The following ARSB variants were observed in gnomAD, a reference collection of about 807,000 sequenced individuals.
ARSB encodes N-acetylgalactosamine-4-sulfatase.
In ARSB, 41 loss-of-function variants were observed where a neutral mutation model predicts 50.9. That is an observed-to-expected ratio of 0.81 (90% confidence interval 0.63 to 1.04). The LOEUF (loss-of-function observed/expected upper bound fraction) is 1.04, where lower values mean the gene tolerates loss of function less well. ARSB is among the 50% of genes least tolerant of loss of function. The probability of loss-of-function intolerance (pLI) is 0.00; values close to 1 mark genes in which losing one functional copy is unlikely to be tolerated. For missense variants in ARSB, 672 were observed against 693.3 expected (o/e 0.97, Z 0.35); for synonymous variants, 269 against 284.8 (o/e 0.94, Z 0.56).
chr5:78,933,397 G>A (rs1402400930), intron 4 of ARSB, among the ~76,000 whole-genome samples: 1 of 152,188 alleles, frequency 6.6e-6, no homozygotes, highest in Non-Finnish European at 1.5e-5. Flanking sequence ...GAGGTGTGAT[G>A]CTGTTAAAAG....
intron 4 of ARSB, among the ~76,000 whole-genome samples, chr5:78,887,651 T>G (rs761111325): frequency 6.6e-6 from 1 of 152,190 alleles, no homozygotes; most frequent in Non-Finnish European, 1.5e-5. Context: ...ACAACCCAAA[T>G]AGTTTAGTAT....
intron 6 of ARSB, among the ~76,000 whole-genome samples, chr5:78,819,757 GCCA>G (rs1295863302): frequency 6.6e-6 from 1 of 152,232 alleles, no homozygotes; most frequent in African/African-American, 2.4e-5. Context: ...ACTGAAGGGG[GCCA>G]CAGAGGTAGA....
At chr5:78,887,951 C>T (rs978735960) in intron 4 of ARSB, among the ~76,000 whole-genome samples, 1 of 152,166 alleles carries the variant, frequency 6.6e-6, no homozygotes, top group African/African-American at 2.4e-5. Context: ...TTAGAGAAGG[C>T]TTAGCTGCTG....
At chr5:78,838,025 C>T (rs1745025739) in intron 6 of ARSB, among the ~76,000 whole-genome samples, 1 of 152,166 alleles carries the variant, frequency 6.6e-6, no homozygotes, top group Non-Finnish European at 1.5e-5. Flanking sequence ...CAATTGTCCA[C>T]TGAGTCATCA....
At chr5:78,799,597 G>A (rs965957697) in intron 6 of ARSB, among the ~76,000 whole-genome samples, 1 of 152,152 alleles carries the variant, frequency 6.6e-6, no homozygotes, top group African/African-American at 2.4e-5. Flanking sequence ...ACCCGCATAC[G>A]GAAAACCAAT....
At chr5:78,815,934 C>A in intron 6 of ARSB, 1 of 1,529,636 alleles carries the variant, frequency 6.5e-7, no homozygotes, top group Admixed American at 1.9e-5. Flanking sequence ...TTGGAGAAGG[C>A]ACTTTTCCTA....
chr5:78,966,782 T>A (rs1483256539), intron 2 of ARSB, among the ~76,000 whole-genome samples: 1 of 152,218 alleles, frequency 6.6e-6, no homozygotes, highest in Non-Finnish European at 1.5e-5. Flanking sequence ...TATTGACTCA[T>A]CTTTTAGCAA....
chr5:78,816,634 G>C (rs1044610887), intron 6 of ARSB, among the ~76,000 whole-genome samples: 33 of 152,200 alleles, frequency 2.2e-4, no homozygotes, highest in Non-Finnish European at 1.0e-4. Flanking sequence ...CCTTTTAAAA[G>C]TAGGGAATTT....
At chr5:78,799,944 A>T (rs1743320922) in intron 6 of ARSB, among the ~76,000 whole-genome samples, 1 of 152,230 alleles carries the variant, frequency 6.6e-6, no homozygotes, top group African/African-American at 2.4e-5. Flanking sequence ...GGAAAGAAGG[A>T]TTGTGAATGA....
intron 5 of ARSB, among the ~76,000 whole-genome samples, chr5:78,852,105 G>T (rs1386569507): frequency 1.3e-5 from 2 of 152,150 alleles, no homozygotes; most frequent in African/African-American, 2.4e-5. Flanking sequence ...TTGTCATTAT[G>T]ATATTAGCTG....
Position 78,955,356 on chromosome 5 carries a change from A to T in ARSB, c.837T>A (p.Asn279Lys). The T allele has an allele frequency of 6.2e-7, 1 of 1,614,186 alleles. No homozygotes were observed. The highest frequency in any genetic ancestry group is 8.5e-7 in the Non-Finnish European group (1 of 1,180,034). The change falls in exon 4 of 8, where the codon AAT becomes AAA. Residue 279 changes from asparagine (N) to lysine (K), a missense_variant. Coordinates refer to ENST00000264914, the MANE Select transcript of ARSB (RefSeq NM_000046.5). ...CACTGCTTTTTAAAGCTGCAGTGAC[A>T]TTTCCTACTGCTTCATCCATAAGGG... ...MVSLMDEAVG[N>K]VTAALKSSGL...
At chr5:78,849,520 T>C (rs892628331) in intron 5 of ARSB, among the ~76,000 whole-genome samples, 2 of 152,094 alleles carry the variant, frequency 1.3e-5, no homozygotes, top group Admixed American at 6.5e-5. Context: ...GCTTTGTTCT[T>C]TTGGCTTAGG....
chr5:78,963,497 G>T (rs1324240278), intron 3 of ARSB, among the ~76,000 whole-genome samples: 2 of 152,128 alleles, frequency 1.3e-5, no homozygotes, highest in Non-Finnish European at 2.9e-5. Context: ...GGGTCCCACT[G>T]AAGTATTATT....
intron 6 of ARSB, among the ~76,000 whole-genome samples, chr5:78,819,569 A>G (rs2112672210): frequency 6.6e-6 from 1 of 152,314 alleles, no homozygotes; most frequent in East Asian, 1.9e-4. Flanking sequence ...TTATTCAATC[A>G]CTCAGCACAC....
chr5:78,874,369 C>G (rs1465537693), intron 5 of ARSB, among the ~76,000 whole-genome samples: 1 of 152,114 alleles, frequency 6.6e-6, no homozygotes, highest in African/African-American at 2.4e-5. Flanking sequence ...GTAGGAATAA[C>G]ACTACTTAAA....
At chr5:78,922,858 G>A (rs567165412) in intron 4 of ARSB, among the ~76,000 whole-genome samples, 24 of 151,914 alleles carry the variant, frequency 1.6e-4, no homozygotes, top group African/African-American at 4.8e-4. Context: ...TCCTGACCTC[G>A]TGATCCTCCC....
chr5:78,969,220 A>AT (rs1328147746), intron 1 of ARSB, 28 bp from the exon 2 acceptor site: 1 of 1,609,920 alleles, frequency 6.2e-7, no homozygotes, highest in Non-Finnish European at 8.5e-7. Context: ...AAAATTATAG[A>AT]TTAATGACAT....
intron 1 of ARSB, among the ~76,000 whole-genome samples, chr5:78,974,867 C>T (rs1337175442): frequency 2.0e-5 from 3 of 152,212 alleles, no homozygotes; most frequent in Non-Finnish European, 2.9e-5. Flanking sequence ...CACCCCAGGG[C>T]TCTGCTGTGC....
intron 6 of ARSB, among the ~76,000 whole-genome samples, chr5:78,802,904 G>C (rs1211958439): frequency 6.6e-6 from 1 of 152,180 alleles, no homozygotes; most frequent in Non-Finnish European, 1.5e-5. Flanking sequence ...TAAAACTGTG[G>C]TCCTACTGCC....
Sources: allele counts gnomAD v4.1 joint callset (sites outside exome capture counted in the v4.1 genomes callset), GRCh38; gene constraint gnomAD v4.1.1; transcripts MANE v1.5; gene names NCBI Gene and HGNC (gene_info 2026-07-23, HGNC 2026-07-21).